The following PIEZO2 variants were observed in gnomAD, a reference collection of about 807,000 sequenced individuals.
The protein encoded by PIEZO2 is piezo type mechanosensitive ion channel component 2.
A neutral mutation model predicts 337.3 loss-of-function variants in PIEZO2; 172 were observed. The observed-to-expected ratio is 0.51, with a 90% CI of 0.45 to 0.58. The LOEUF (loss-of-function observed/expected upper bound fraction) is 0.58, where lower values mean the gene tolerates loss of function less well. Ranked by LOEUF, PIEZO2 falls within the 20% of genes least tolerant of loss-of-function variation. The pLI is 0.00. For missense variants in PIEZO2, 3,028 were observed against 3,391.3 expected (o/e 0.89, Z 2.66); for synonymous variants, 1,251 against 1,228.5 (o/e 1.02, Z -0.38).
chr18:10,887,723 T>A (rs1457740240), intron 4 of PIEZO2, among the ~76,000 whole-genome samples: 1 of 152,220 alleles, frequency 6.6e-6, no homozygotes, highest in East Asian at 1.9e-4. Context: ...TCTCCTTCAT[T>A]CTGGGACAAC....
intron 49 of PIEZO2, among the ~76,000 whole-genome samples, chr18:10,683,768 T>G (rs977932000): frequency 6.6e-6 from 1 of 152,178 alleles, no homozygotes; most frequent in African/African-American, 2.4e-5. Context: ...GCACCCACAC[T>G]GGATCATGAA....
intron 5 of PIEZO2, among the ~76,000 whole-genome samples, chr18:10,858,006 T>TTTCTTTC (rs558250507): frequency 0.013 from 1,696 of 130,522 alleles, 28 homozygotes; most frequent in African/African-American, 0.053. Flanking sequence ...TCTTTCTTTC[T>TTTCTTTC]TTTTTTTTTT....
In PIEZO2 at chr18:10,903,556, G is replaced by T. The variant is rs1266253875; in HGVS notation, c.329+7630C>A. Among the ~76,000 whole-genome samples, 1 of 152,072 alleles carries T rather than the reference G, an allele frequency of 6.6e-6. No individual in the cohort carries two copies. The highest frequency in any genetic ancestry group is 2.4e-5 in the African/African-American group (1 of 41,392). On this transcript the variant is annotated intron_variant, in intron 4 of 55. Coordinates refer to ENST00000674853, the MANE Select transcript of PIEZO2 (RefSeq NM_001378183.1). This position sits in a 1 kb window ranked among gnomAD's most constrained non-coding sequence, Gnocchi z 4.1. ...ATAGTGGCGCGCTCCTGTAGTCCCA[G>T]CTACTTGGGAGGCTGAGGCAGGAGA... is the stretch of plus-strand genomic sequence containing the variant.
intron 49 of PIEZO2, among the ~76,000 whole-genome samples, chr18:10,684,564 G>T (rs996316500): frequency 2.0e-5 from 3 of 150,614 alleles, no homozygotes; most frequent in African/African-American, 7.3e-5. Flanking sequence ...ACCTGGGCTC[G>T]AGAGATTCTC....
rs2625370 is a variant in PIEZO2 at position 11,031,071 on chromosome 18, A to G, written c.160+35056T>C. Reference sequence around the variant, plus strand: ...GTGGCGTGATCTTGGCTCATTGCAAACGCCGCCTCCCGGGTTCACACCATT... The same window carrying G: ...GTGGCGTGATCTTGGCTCATTGCAAGCGCCGCCTCCCGGGTTCACACCATT... On this transcript the variant is annotated intron_variant, in intron 2 of 55. Coordinates refer to ENST00000674853, the MANE Select transcript of PIEZO2 (RefSeq NM_001378183.1). The surrounding 1 kb of genome is among the most constrained non-coding windows in gnomAD (Gnocchi z 4.7). Among the ~76,000 whole-genome samples the G allele has an allele frequency of 0.63, 96,112 of 151,478 alleles. 30,814 individuals carry two copies. Among genetic ancestry groups the G allele is most frequent in the African/African-American group, 0.72 (29,759 of 41,332 alleles).
rs1598598192 is a variant in PIEZO2, at chr18:10,861,926, G to A, written c.493-4715C>T. Among the ~76,000 whole-genome samples, 1 of 152,002 alleles carries A rather than the reference G, an allele frequency of 6.6e-6. No individual in the cohort carries two copies. The highest frequency in any genetic ancestry group is 2.4e-5 in the African/African-American group (1 of 41,386). On this transcript the variant is annotated intron_variant, in intron 5 of 55. Coordinates refer to ENST00000674853, the MANE Select transcript of PIEZO2 (RefSeq NM_001378183.1). The surrounding 1 kb of genome is among the most constrained non-coding windows in gnomAD (Gnocchi z 4.3). ...CCAGCTACTCAGGAAGCTGAGGCAG[G>A]AGAATCACTGGAACCAACGAGGCAG...
intron 36 of PIEZO2, among the ~76,000 whole-genome samples, chr18:10,722,196 C>A: frequency 6.7e-6 from 1 of 148,722 alleles, no homozygotes. Context: ...AATAGAAAAT[C>A]TGGGAAACAT....
In PIEZO2 at chr18:10,953,267, T is replaced by G. The variant is rs1213786694; in HGVS notation, c.286+26268A>C. Reference sequence around the variant, plus strand: ...TGATGAAGTGTAATTTATCAGTTTTTTCTCTTATGAGTTGTGATTTTGATG... The same window carrying G: ...TGATGAAGTGTAATTTATCAGTTTTGTCTCTTATGAGTTGTGATTTTGATG... On this transcript the variant is annotated intron_variant, in intron 3 of 55. Transcript: ENST00000674853. This position sits in a 1 kb window ranked among gnomAD's most constrained non-coding sequence, Gnocchi z 5.2. Among the ~76,000 whole-genome samples, 1 of 152,204 alleles carries G rather than the reference T, an allele frequency of 6.6e-6. No homozygotes were observed. The highest frequency in any genetic ancestry group is 1.5e-5 in the Non-Finnish European group (1 of 68,034).
Position 10,800,447 on chromosome 18 carries a change from G to A in PIEZO2, c.1268C>T (p.Pro423Leu). ...TGGGTGGATGGTGTGGTAATCCACGGGGTTGCCGTTCACAGTCACCAGCAG... is the reference window on the plus strand; with the variant it reads ...TGGGTGGATGGTGTGGTAATCCACGAGGTTGCCGTTCACAGTCACCAGCAG... ...DGLLVTVNGN[P>L]VDYHTIHPSL... The change falls in exon 11 of 56, where the codon CCC (proline) becomes CTC (leucine). Residue 423 changes from proline (P) to leucine (L), a missense_variant. This residue lies in a region of PIEZO2 where 542 missense variants were observed against 605.6 expected (regional missense o/e 0.89). Coordinates refer to ENST00000674853, the MANE Select transcript of PIEZO2 (RefSeq NM_001378183.1). 1 of 1,535,084 alleles carries A rather than the reference G, an allele frequency of 6.5e-7. No individual in the cohort carries two copies. Among genetic ancestry groups the A allele is most frequent in the Non-Finnish European group, 8.7e-7 (1 of 1,146,032 alleles).
chr18:10,965,428 G>C (rs1182558374), intron 3 of PIEZO2, among the ~76,000 whole-genome samples: 1 of 152,116 alleles, frequency 6.6e-6, no homozygotes, highest in Admixed American at 6.6e-5. Context: ...TGTGTTTCTT[G>C]CTCATTTGTA....
intron 1 of PIEZO2, among the ~76,000 whole-genome samples, chr18:11,067,172 T>G (rs552705401): frequency 1.8e-4 from 28 of 152,128 alleles, no homozygotes; most frequent in Non-Finnish European, 3.5e-4. Context: ...AGTCCTTAGC[T>G]ACCAATGATT....
intron 22 of PIEZO2, 93 bp from the exon 23 acceptor site, chr18:10,762,718 T>C (rs1408703315): frequency 3.5e-6 from 5 of 1,433,056 alleles, no homozygotes; most frequent in Non-Finnish European, 3.7e-6. Flanking sequence ...AAAATGATAG[T>C]GGTAGGATGG....
chr18:11,018,191 ATGGTGGTGGTGGTGGTGGTGG>A (rs759749235), intron 2 of PIEZO2, among the ~76,000 whole-genome samples: 1 of 143,120 alleles, frequency 7.0e-6, no homozygotes, highest in African/African-American at 2.5e-5. Context: ...CAGTCATCGC[ATGGTGGTGGTGGTGGTGGTGG>A]TGGTGGTGGT....
At chr18:10,762,248 A>G (rs1035708536) in intron 23 of PIEZO2, among the ~76,000 whole-genome samples, 2 of 152,230 alleles carry the variant, frequency 1.3e-5, no homozygotes, top group Admixed American at 1.3e-4. Flanking sequence ...TGGTCTTAAC[A>G]TGATTGTATA....
rs143261075 is a variant in PIEZO2, at chr18:11,002,240, T to C, written c.161-22580A>G. Among the ~76,000 whole-genome samples the C allele has an allele frequency of 5.3e-5, 8 of 152,324 alleles. No homozygotes were observed. In the East Asian group the frequency reaches 1.5e-3, roughly 29 times the overall value. On this transcript the variant is annotated intron_variant, in intron 2 of 55. Transcript: ENST00000674853. This position sits in a 1 kb window ranked among gnomAD's most constrained non-coding sequence, Gnocchi z 4.3. ...TCTTGATTTTTTCAACCATTTACATTCGCTCCTAGGTCATACAAAATACAG... is the reference window on the plus strand; with the variant it reads ...TCTTGATTTTTTCAACCATTTACATCCGCTCCTAGGTCATACAAAATACAG...
rs764616937 is a variant in PIEZO2 at position 10,697,865 on chromosome 18, C to T, written c.6710G>A (p.Arg2237Gln). 9.3e-6 allele frequency: 15 copies of T among 1,612,976 alleles called. No homozygotes were observed. Among genetic ancestry groups the T allele is most frequent in the East Asian group, 4.5e-5 (2 of 44,878 alleles). ...ACTGCTTCCTTTTTGACTGCTGTTT[C>T]GGGTGCTTGTGCTGCCTAGAAATAA... ...NRSQRGSTSTRNSSQKGSSVL... is the reference protein window; with the variant it reads ...NRSQRGSTSTQNSSQKGSSVL... Residue 2237 changes from arginine (R) to glutamine (Q), a missense_variant, in exon 45 of 56, where the codon CGA becomes CAA. By Grantham distance (43) the Arg-to-Gln change is conservative. Around this residue, in one of 5 missense-constraint regions of PIEZO2, gnomAD observed 1,925 missense variants for 2,051.9 expected, o/e 0.94. Coordinates refer to ENST00000674853, the MANE Select transcript of PIEZO2 (RefSeq NM_001378183.1).
chr18:10,770,376 G>T (rs1490226852), intron 20 of PIEZO2, 68 bp from the exon 21 acceptor site: 1 of 1,417,602 alleles, frequency 7.1e-7, no homozygotes, highest in Non-Finnish European at 9.3e-7. Context: ...AGCATATCTT[G>T]TAACTTTCAG....
chr18:10,678,506 C>T (rs1177066949), intron 52 of PIEZO2, among the ~76,000 whole-genome samples: 1 of 152,086 alleles, frequency 6.6e-6, no homozygotes, highest in East Asian at 1.9e-4. Context: ...ACCTGTCATG[C>T]TTCTTTTTTA....
chr18:10,849,811 G>A (rs1020183414), intron 7 of PIEZO2, among the ~76,000 whole-genome samples: 1 of 152,170 alleles, frequency 6.6e-6, no homozygotes, highest in African/African-American at 2.4e-5. Flanking sequence ...ATTTTGTTTA[G>A]TTCACCATTT....
Sources: allele counts gnomAD v4.1 joint callset (sites outside exome capture counted in the v4.1 genomes callset), GRCh38; gene constraint gnomAD v4.1.1; regional missense constraint gnomAD v4.1.1; non-coding constraint Gnocchi (gnomAD v3.1); transcripts MANE v1.5; gene names NCBI Gene and HGNC (gene_info 2026-07-23, HGNC 2026-07-21).